Variants in SBF2 observed in about 807,000 individuals in gnomAD.
The protein encoded by SBF2 is SET binding factor 2, also known as myotubularin-related protein 13.
In SBF2, 112 loss-of-function variants were observed where a neutral mutation model predicts 225.2. The observed-to-expected ratio is 0.50, with a 90% CI of 0.43 to 0.58. The LOEUF is 0.58. Among genes scored for constraint, SBF2 ranks in the 20% least tolerant of loss-of-function variants. SBF2 has a pLI of 0.00. For missense variants in SBF2, 1,996 were observed against 2,206.2 expected (o/e 0.90, Z 1.91); for synonymous variants, 763 against 773.3 (o/e 0.99, Z 0.22).
chr11:9,841,904 T>G (rs1856185064), intron 25 of SBF2, among the ~76,000 whole-genome samples: 1 of 152,150 alleles, frequency 6.6e-6, no homozygotes, highest in African/African-American at 2.4e-5. Flanking sequence ...AAGATGAGGT[T>G]TCTTTTTTAA....
chr11:10,151,404 C>G (rs1056398718), intron 2 of SBF2, among the ~76,000 whole-genome samples: 1 of 152,136 alleles, frequency 6.6e-6, no homozygotes, highest in Admixed American at 6.5e-5. Flanking sequence ...ACAGCACACC[C>G]AAAATATCTT....
chr11:10,249,922 A>T (rs1960189571), intron 1 of SBF2, among the ~76,000 whole-genome samples: 1 of 151,756 alleles, frequency 6.6e-6, no homozygotes, highest in African/African-American at 2.4e-5. Context: ...AAGCATCTAA[A>T]AGAGACGTAA....
upstream of SBF2, among the ~76,000 whole-genome samples, chr11:10,294,771 C>T (rs1964425642): frequency 6.6e-6 from 1 of 152,232 alleles, no homozygotes; most frequent in Non-Finnish European, 1.5e-5. Context: ...GGCGGTCGGC[C>T]TGGGCTTCCC....
chr11:10,113,252 C>A (rs1050658453), intron 2 of SBF2, among the ~76,000 whole-genome samples: 1 of 152,138 alleles, frequency 6.6e-6, no homozygotes, highest in Non-Finnish European at 1.5e-5. Flanking sequence ...AATCAATCTC[C>A]CAAAGTGCTG....
chr11:10,064,666 A>AT (rs900859856), intron 2 of SBF2, among the ~76,000 whole-genome samples: 5 of 152,136 alleles, frequency 3.3e-5, no homozygotes, highest in Non-Finnish European at 2.9e-5. Context: ...GATTTCAGAA[A>AT]TTTTTTTTAA....
chr11:9,794,600 G>C (rs1852973902), intron 33 of SBF2, among the ~76,000 whole-genome samples: 1 of 142,238 alleles, frequency 7.0e-6, no homozygotes, highest in Non-Finnish European at 1.5e-5. Context: ...GGGAAATAGA[G>C]GTTGCAGTGA....
At chr11:10,047,098 A>G (rs1295967568) in intron 2 of SBF2, among the ~76,000 whole-genome samples, 1 of 152,164 alleles carries the variant, frequency 6.6e-6, no homozygotes, top group Non-Finnish European at 1.5e-5. Context: ...AAGGAAAACT[A>G]TAACACTCTG....
intron 16 of SBF2, among the ~76,000 whole-genome samples, chr11:9,943,503 A>G (rs1865400159): frequency 6.6e-6 from 1 of 152,160 alleles, no homozygotes. Flanking sequence ...GGTATTCAGA[A>G]CATACTAAAA....
chr11:10,053,734 G>T (rs1285610727), intron 2 of SBF2, among the ~76,000 whole-genome samples: 1 of 151,444 alleles, frequency 6.6e-6, no homozygotes, highest in Non-Finnish European at 1.5e-5. Flanking sequence ...CAGCCTTGGT[G>T]AAGAGTGAGA....
intron 6 of SBF2, chr11:10,016,718 C>G (rs928567019): frequency 2.6e-5 from 4 of 152,078 alleles, no homozygotes; most frequent in African/African-American, 7.3e-5. Context: ...GATCTCCTGA[C>G]CTCGTGAGCT....
chr11:10,225,427 G>A (rs1461363373), intron 1 of SBF2, among the ~76,000 whole-genome samples: 4 of 151,144 alleles, frequency 2.6e-5, no homozygotes, highest in South Asian at 2.1e-4. Flanking sequence ...AAAACCCGTC[G>A]TCTAAGTGGT....
At chr11:10,030,999 A>G in intron 4 of SBF2, 49 bp downstream of exon 4, 1 of 1,494,202 alleles carries the variant, frequency 6.7e-7, no homozygotes, top group Non-Finnish European at 9.3e-7. Context: ...TTCATTCAAG[A>G]GACTCACACA....
intron 1 of SBF2, among the ~76,000 whole-genome samples, chr11:10,248,006 A>C (rs571489080): frequency 6.6e-6 from 1 of 152,316 alleles, no homozygotes; most frequent in African/African-American, 2.4e-5. Flanking sequence ...ATTTGGTCTA[A>C]ATTATGCAGG....
At chr11:10,080,327 C>T (rs1352394910) in intron 2 of SBF2, among the ~76,000 whole-genome samples, 6 of 150,586 alleles carry the variant, frequency 4.0e-5, no homozygotes, top group Non-Finnish European at 5.9e-5. Flanking sequence ...AAAGTCTTTC[C>T]TAGACAAGGA....
At chr11:9,842,916 T>C (rs1856266287) in intron 24 of SBF2, 146 bp from the exon 25 acceptor site, 1 of 715,562 alleles carries the variant, frequency 1.4e-6, no homozygotes, top group Admixed American at 2.7e-5. Context: ...CTTCTTTAGG[T>C]TACTTTTAAT....
At chr11:10,093,560 C>T (rs926420909) in intron 2 of SBF2, among the ~76,000 whole-genome samples, 1 of 152,096 alleles carries the variant, frequency 6.6e-6, no homozygotes, top group Non-Finnish European at 1.5e-5. Flanking sequence ...CCAGTTATCA[C>T]ATACGATGTA....
In SBF2 at chr11:10,303,766, A is replaced by G. The variant is rs745356092; in HGVS notation, n.386+726T>C. 7.9e-5 allele frequency: 12 copies of G among 152,260 alleles called. No homozygotes were observed. The highest frequency in any genetic ancestry group is 1.8e-4 in the Non-Finnish European group (12 of 68,084). The allele number at this position is 152,260 out of a possible 1,614,324, so 9.4% of individuals were successfully genotyped here. ...GAGGAGTGGTTAGTAGGACCCCAGAAACCCACAAGCACGAAGCAGGAAGCC... is the reference window on the plus strand; with the variant it reads ...GAGGAGTGGTTAGTAGGACCCCAGAGACCCACAAGCACGAAGCAGGAAGCC... On this transcript the variant is annotated intron_variant and non_coding_transcript_variant, in intron 1 of 5. Coordinates refer to the SBF2 transcript ENST00000685217. The surrounding 1 kb of genome is among the most constrained non-coding windows in gnomAD (Gnocchi z 5.2).
At chr11:10,275,298 A>C (rs1354861546) in intron 1 of SBF2, among the ~76,000 whole-genome samples, 1 of 152,180 alleles carries the variant, frequency 6.6e-6, no homozygotes, top group African/African-American at 2.4e-5. Flanking sequence ...TGTTACCCCC[A>C]TTTGTGCTTG....
chr11:9,819,038 G>A (rs1187066555), intron 28 of SBF2, among the ~76,000 whole-genome samples: 2 of 152,130 alleles, frequency 1.3e-5, no homozygotes, highest in South Asian at 2.1e-4. Flanking sequence ...ATCTTTCTAC[G>A]TAGTTTACGA....
Sources: gnomAD v4.1 joint callset for allele counts (sites outside exome capture counted in the v4.1 genomes callset) on GRCh38, gnomAD v4.1.1 for gene constraint, Gnocchi (gnomAD v3.1) non-coding constraint, MANE v1.5 for transcripts, NCBI Gene and HGNC (gene_info 2026-07-23, HGNC 2026-07-21) for gene names.